Variants in TRPM1 observed in about 807,000 individuals in gnomAD.
The protein encoded by TRPM1 is TRPM1-203 APA Isoform, Intron 10.
Under a neutral mutation model 149.4 loss-of-function variants are expected in TRPM1, and 113 were observed. That is an observed-to-expected ratio of 0.76 (90% CI 0.65 to 0.88). The LOEUF is 0.88. TRPM1 is among the 40% of genes least tolerant of loss of function. TRPM1 has a pLI of 0.00. For synonymous variants in TRPM1, 741 were observed against 759.5 expected (o/e 0.98, Z 0.40); for missense variants, 1,976 against 2,038.7 (o/e 0.97, Z 0.59).
chr15:31,050,655 C>T (rs1042805530), intron 11 of TRPM1, 73 bp from the exon 12 acceptor site: 5 of 1,535,068 alleles, frequency 3.3e-6, no homozygotes, highest in African/African-American at 2.7e-5. Context: ...GCTCATTGAC[C>T]CTCCCACCTC....
At chr15:31,095,972 G>A (rs1416220155) in intron 1 of TRPM1, among the ~76,000 whole-genome samples, 1 of 152,042 alleles carries the variant, frequency 6.6e-6, no homozygotes, top group African/African-American at 2.4e-5. Context: ...CTTGAACATG[G>A]GAGGTGAAGG....
intron 21 of TRPM1, 39 bp downstream of exon 21, chr15:31,035,506 CA>C: frequency 2.5e-6 from 4 of 1,613,688 alleles, no homozygotes; most frequent in Non-Finnish European, 3.4e-6. Context: ...CATTTGCAGT[CA>C]GCGGTTAGTG....
rs3784589 is a variant in TRPM1, at chr15:31,002,511, C to G, written c.4189G>C (p.Glu1397Gln). 6.2e-7 allele frequency: 1 copy of G among 1,614,038 alleles called. No homozygotes were observed. The highest frequency in any genetic ancestry group is 8.5e-7 in the Non-Finnish European group (1 of 1,180,010). ...DERQTDSKKE[E>Q]TISPSLNKTD... ...TTATTTAAACTTGGGGAAATAGTTT[C>G]TTCTTTTTTAGAGTCTGTCTGTCTT... is the stretch of plus-strand genomic sequence containing the variant. The change falls in exon 28 of 28, where the codon GAA becomes CAA. Residue 1397 changes from glutamate to glutamine, a missense_variant. Around this residue, in one of 3 missense-constraint regions of TRPM1, gnomAD observed 572 missense variants for 578.9 expected, o/e 0.99. Transcript: ENST00000256552.
chr15:31,032,984 A>G, intron 21 of TRPM1, 44 bp from the exon 22 acceptor site: 2 of 1,612,528 alleles, frequency 1.2e-6, no homozygotes, highest in Non-Finnish European at 8.5e-7. Context: ...ATGCCGTATT[A>G]GAAGTCTTGT....
chr15:31,112,167 C>T (rs981820470), intron 1 of TRPM1, among the ~76,000 whole-genome samples: 1 of 152,166 alleles, frequency 6.6e-6, no homozygotes, highest in Non-Finnish European at 1.5e-5. Context: ...TTTTAAAGCT[C>T]ATTCCTTCTT....
At chr15:31,105,181 G>A (rs2035586019), upstream of TRPM1, among the ~76,000 whole-genome samples, 1 of 152,136 alleles carries the variant, frequency 6.6e-6, no homozygotes, top group Admixed American at 6.5e-5. Context: ...TTGTTCACAT[G>A]GTCCCAGTTT....
intron 1 of TRPM1, among the ~76,000 whole-genome samples, chr15:31,155,372 G>T (rs2036355251): frequency 6.6e-6 from 1 of 152,148 alleles, no homozygotes; most frequent in African/African-American, 2.4e-5. Flanking sequence ...ACCACACATG[G>T]TTAGACAAGG....
rs1403153822 is a variant in TRPM1 at position 31,001,742 on chromosome 15, TTGA to T, written c.*77_*79del. The T allele has an allele frequency of 2.7e-6, 4 of 1,472,184 alleles. No homozygotes were observed. The highest frequency in any genetic ancestry group is 1.4e-5 in the African/African-American group (1 of 70,038). The allele number at this position is 1,472,184 out of a possible 1,614,324, so 91.2% of individuals were successfully genotyped here. ...TTTTTAAGGAAAATGTTTTTAGAAA[TTGA>T]TGATGTTTAGATGGCCAAGATGACA... On this transcript the variant is annotated 3_prime_UTR_variant, in exon 28 of 28. Coordinates refer to ENST00000256552, the MANE Select transcript of TRPM1 (RefSeq NM_001252024.2).
At chr15:31,047,487 G>A (rs1332249396) in intron 14 of TRPM1, among the ~76,000 whole-genome samples, 1 of 152,198 alleles carries the variant, frequency 6.6e-6, no homozygotes, top group East Asian at 1.9e-4. Flanking sequence ...ATGACTTGAG[G>A]AACCTCCTGC....
intron 1 of TRPM1, among the ~76,000 whole-genome samples, chr15:31,109,709 A>C (rs999623387): frequency 1.3e-5 from 2 of 151,914 alleles, no homozygotes; most frequent in African/African-American, 4.8e-5. Context: ...AAAAAAAAAA[A>C]AAAAAACCAG....
At chr15:31,081,606 C>T (rs1234857881) in intron 1 of TRPM1, among the ~76,000 whole-genome samples, 168 bp from the exon 2 acceptor site, 1 of 152,032 alleles carries the variant, frequency 6.6e-6, no homozygotes, top group African/African-American at 2.4e-5. Context: ...GCTCTGTTCT[C>T]CATAAACCTT....
intron 1 of TRPM1, among the ~76,000 whole-genome samples, chr15:31,095,288 G>A (rs2035347448): frequency 6.6e-6 from 1 of 152,228 alleles, no homozygotes; most frequent in Admixed American, 6.5e-5. Flanking sequence ...TAAGGACAGA[G>A]AGACAAGGTA....
At chr15:31,154,954 C>T (rs932240402) in intron 1 of TRPM1, among the ~76,000 whole-genome samples, 1 of 152,156 alleles carries the variant, frequency 6.6e-6, no homozygotes, top group Non-Finnish European at 1.5e-5. Context: ...TCCATAAAAG[C>T]TCTGCTCCCC....
chr15:31,002,871 C>A lies in TRPM1; in HGVS notation c.3829G>T (p.Ala1277Ser). ...ARSRASSECE[A>S]TYLLRQSSIN... Reference sequence around the variant, plus strand: ...CTGCTTTGCCGGAGAAGATACGTTGCCTCACATTCAGAAGAAGCCCGGGAC... The same window carrying A: ...CTGCTTTGCCGGAGAAGATACGTTGACTCACATTCAGAAGAAGCCCGGGAC... Residue 1277 changes from alanine (A) to serine (S), a missense_variant, in exon 28 of 28, where the codon GCA (alanine) becomes TCA (serine). Transcript: ENST00000256552. The A allele has an allele frequency of 6.2e-7, 1 of 1,614,170 alleles. No individual in the cohort carries two copies. The highest frequency in any genetic ancestry group is 1.3e-5 in the African/African-American group (1 of 75,044).
chr15:31,007,137 T>A (rs1271778347), intron 27 of TRPM1, among the ~76,000 whole-genome samples: 1 of 152,206 alleles, frequency 6.6e-6, no homozygotes, highest in Non-Finnish European at 1.5e-5. Context: ...TTTTATAGTT[T>A]TGTGTTTTAT....
At position 31,042,066 on chromosome 15, in the gene TRPM1, C is replaced by T. The variant is rs1267879015; in HGVS notation, c.1972G>A (p.Glu658Lys). The stretch of plus-strand genomic sequence containing the variant: ...ACCAGGGCCTTGGCCATGCTCTCTT[C>T]CCCTCGCTGCCAGAGGAACACTGCC... ...KMAVFLWQRGEESMAKALVAC... is the reference protein window; with the variant it reads ...KMAVFLWQRGKESMAKALVAC... Residue 658 changes from glutamate to lysine, a missense_variant, in exon 17 of 28, where the codon GAA becomes AAA. Glu to Lys is a moderately conservative substitution (Grantham distance 56, BLOSUM62 1). Coordinates refer to ENST00000256552, the MANE Select transcript of TRPM1 (RefSeq NM_001252024.2). 1 of 1,614,180 alleles carries T rather than the reference C, an allele frequency of 6.2e-7. No individual in the cohort carries two copies. The highest frequency in any genetic ancestry group is 8.5e-7 in the Non-Finnish European group (1 of 1,179,988).
intron 11 of TRPM1, 80 bp downstream of exon 11, chr15:31,060,464 T>G: frequency 8.4e-7 from 1 of 1,192,684 alleles, no homozygotes; most frequent in Non-Finnish European, 1.2e-6. Flanking sequence ...CTGAATTCCA[T>G]GTCACAAGGG....
intron 1 of TRPM1, among the ~76,000 whole-genome samples, chr15:31,092,763 A>G (rs1275400438): frequency 2.0e-5 from 3 of 152,196 alleles, no homozygotes; most frequent in Non-Finnish European, 1.5e-5. Flanking sequence ...GTACAAGTAC[A>G]TTGCCGTATA....
At chr15:31,015,374 T>A (rs1005071833) in intron 27 of TRPM1, among the ~76,000 whole-genome samples, 3 of 151,196 alleles carry the variant, frequency 2.0e-5, no homozygotes, top group Non-Finnish European at 2.9e-5. Flanking sequence ...ATCATGCCAT[T>A]GCCCTCCAGC....
Sources: allele counts gnomAD v4.1 joint callset (sites outside exome capture counted in the v4.1 genomes callset), GRCh38; gene constraint gnomAD v4.1.1; regional missense constraint gnomAD v4.1.1; transcripts MANE v1.5; gene names NCBI Gene and HGNC (gene_info 2026-07-23, HGNC 2026-07-21).